Variants in PLD5 observed in about 807,000 individuals in gnomAD.
PLD5 encodes the protein inactive phospholipase D5.
PLD5 carries 36 observed loss-of-function variants against 61.1 expected under a neutral mutation model. That is an observed-to-expected ratio of 0.59 (90% CI 0.45 to 0.78). The LOEUF (loss-of-function observed/expected upper bound fraction) is 0.78, where lower values mean the gene tolerates loss of function less well. PLD5 is among the 30% of genes least tolerant of loss of function. The pLI, the probability that PLD5 is intolerant of heterozygous loss-of-function variation, is 0.00. For synonymous variants in PLD5, 243 were observed against 242.8 expected (o/e 1.00, Z -0.01); for missense variants, 515 against 644.4 (o/e 0.80, Z 2.17).
intron 5 of PLD5, among the ~76,000 whole-genome samples, chr1:242,176,053 A>G (rs1667117693): frequency 2.6e-5 from 4 of 152,164 alleles, no homozygotes. Context: ...TCAAGCTACC[A>G]TTGACTTTCT....
At position 242,114,012 on chromosome 1, in the gene PLD5, G is replaced by T; in HGVS notation, c.948C>A (p.Leu316=). Residue 316 remains leucine, a synonymous_variant, in exon 7 of 10, where the codon CTC becomes CTA. Transcript: ENST00000536534. The stretch of plus-strand genomic sequence containing the variant: ...CAAAACTTCTGTTTTTAGGGCAAAA[G>T]AGTTTTGGAGAATTCTGTGAAGACA... ...SQAFVSNSPK[L]FCPKNRSFDI... The T allele has an allele frequency of 2.5e-6, 4 of 1,613,138 alleles. No homozygotes were observed. Among genetic ancestry groups the T allele is most frequent in the Non-Finnish European group, 3.4e-6 (4 of 1,179,640 alleles).
chr1:242,232,913 G>A (rs774401216), intron 4 of PLD5, among the ~76,000 whole-genome samples: 2 of 152,108 alleles, frequency 1.3e-5, no homozygotes, highest in Non-Finnish European at 2.9e-5. Flanking sequence ...CCAGCACTTT[G>A]AGAGGTCCAG....
At chr1:242,264,588 C>T (rs1673550167) in intron 4 of PLD5, among the ~76,000 whole-genome samples, 1 of 152,180 alleles carries the variant, frequency 6.6e-6, no homozygotes, top group African/African-American at 2.4e-5. Flanking sequence ...GTAACGCCAT[C>T]AGGTGGAACA....
chr1:242,331,317 C>T (rs548339923), intron 2 of PLD5, among the ~76,000 whole-genome samples: 1 of 152,288 alleles, frequency 6.6e-6, no homozygotes, highest in African/African-American at 2.4e-5. Flanking sequence ...AGACCTTGCC[C>T]TCCATTACAT....
At chr1:242,294,338 T>C (rs1168258001) in intron 2 of PLD5, among the ~76,000 whole-genome samples, 2 of 152,242 alleles carry the variant, frequency 1.3e-5, no homozygotes, top group African/African-American at 4.8e-5. Context: ...TAATAGCATG[T>C]ATTTATTCTC....
At chr1:242,315,798 G>A (rs1040741112) in intron 2 of PLD5, among the ~76,000 whole-genome samples, 2 of 152,168 alleles carry the variant, frequency 1.3e-5, no homozygotes, top group African/African-American at 4.8e-5. Flanking sequence ...CTGCATTCTG[G>A]TTGGGTTATG....
chr1:242,288,440 T>C lies in PLD5; in HGVS notation c.417A>G (p.Leu139=), dbSNP rs780474716. The change falls in exon 3 of 10, where the codon TTA becomes TTG. Residue 139 remains leucine (L), a synonymous_variant. Transcript: ENST00000536534. The part of the protein sequence containing the change: ...HLSLFQGWMN[L]LNMAKKSVDI... ...CAACAGACTTTTTGGCCATGTTGAGTAAATTCATCCAGCCTTGGAAAAGTG... is the reference window on the plus strand; with the variant it reads ...CAACAGACTTTTTGGCCATGTTGAGCAAATTCATCCAGCCTTGGAAAAGTG... 3.1e-6 allele frequency: 5 copies of C among 1,612,842 alleles called. No individual in the cohort carries two copies. The highest frequency in any genetic ancestry group is 4.2e-6 in the Non-Finnish European group (5 of 1,179,650).
Position 242,089,691 on chromosome 1 carries a change from G to C in PLD5, c.*163C>G. 1.2e-6 allele frequency: 1 copy of C among 851,116 alleles called. No individual in the cohort carries two copies. Among genetic ancestry groups the C allele is most frequent in the Non-Finnish European group, 1.8e-6 (1 of 551,666 alleles). 52.7% of individuals were successfully genotyped at this position (851,116 alleles called of 1,614,324 possible). A position where few individuals can be genotyped will look rare whatever the true frequency, so the allele number is the denominator to read the frequency against. ...AAGTCTTAATTTTAGTGTACACGAC[G>C]CTAAGATATTGTTAGATAGGTATTA... is the stretch of plus-strand genomic sequence containing the variant. On this transcript the variant is annotated 3_prime_UTR_variant, in exon 10 of 10. Transcript: ENST00000536534.
chr1:242,342,983 C>A (rs1370545441), intron 2 of PLD5, among the ~76,000 whole-genome samples: 3 of 152,028 alleles, frequency 2.0e-5, no homozygotes, highest in African/African-American at 4.8e-5. Flanking sequence ...TTATAGGAGA[C>A]ATACTTTTTT....
intron 5 of PLD5, among the ~76,000 whole-genome samples, chr1:242,174,388 G>C (rs933885811): frequency 2.0e-5 from 3 of 152,302 alleles, no homozygotes; most frequent in Non-Finnish European, 4.4e-5. Flanking sequence ...TCATTAAAAA[G>C]TCAGGAAACA....
Position 242,524,284 on chromosome 1 carries a change from T to A in PLD5, c.-8A>T. The stretch of plus-strand genomic sequence containing the variant: ...GTGCTGCCGGATCTCCATCCTGACA[T>A]GACCGGGCGGCCGCCGGCGAGCAGC... On this transcript the variant is annotated 5_prime_UTR_variant, in exon 1 of 10. An upstream start codon of the reference 5' UTR is lost. Coordinates refer to ENST00000536534, the MANE Select transcript of PLD5 (RefSeq NM_001372062.1). 2 of 1,398,892 alleles carry A rather than the reference T, an allele frequency of 1.4e-6. No homozygotes were observed. Among genetic ancestry groups the A allele is most frequent in the Non-Finnish European group, 9.2e-7 (1 of 1,082,386 alleles). 86.7% of individuals were successfully genotyped at this position (1,398,892 alleles called of 1,614,324 possible).
chr1:242,299,025 G>GAA (rs142086967), intron 2 of PLD5, among the ~76,000 whole-genome samples: 149 of 141,550 alleles, frequency 1.1e-3, no homozygotes, highest in Middle Eastern at 3.6e-3. Flanking sequence ...CAGGTGATTG[G>GAA]AAAAAAAAAA....
chr1:242,266,848 G>A (rs950382458), intron 3 of PLD5, among the ~76,000 whole-genome samples: 1 of 152,182 alleles, frequency 6.6e-6, no homozygotes, highest in African/African-American at 2.4e-5. Context: ...CGGGTGCGTA[G>A]CCTCACACCT....
At chr1:242,456,292 C>G (rs553958626) in intron 1 of PLD5, among the ~76,000 whole-genome samples, 2 of 151,828 alleles carry the variant, frequency 1.3e-5, no homozygotes, top group Non-Finnish European at 2.9e-5. Flanking sequence ...CTACAGGTGA[C>G]GATTTACAAA....
intron 5 of PLD5, among the ~76,000 whole-genome samples, chr1:242,195,241 T>G: frequency 6.6e-6 from 1 of 152,318 alleles, no homozygotes; most frequent in Non-Finnish European, 1.5e-5. Flanking sequence ...TACAGGACAC[T>G]GTCCTGGAGA....
intron 5 of PLD5, among the ~76,000 whole-genome samples, chr1:242,128,123 C>G (rs372611621): frequency 6.6e-6 from 1 of 151,968 alleles, no homozygotes; most frequent in South Asian, 2.1e-4. Context: ...TGGGCAATAT[C>G]GTGAGACCAT....
intron 1 of PLD5, among the ~76,000 whole-genome samples, chr1:242,358,546 T>C (rs1395117377): frequency 1.3e-5 from 2 of 151,690 alleles, no homozygotes; most frequent in African/African-American, 4.8e-5. Flanking sequence ...TGCTCTGCTA[T>C]CCAGCAAGAC....
At chr1:242,217,176 A>G (rs1441835622) in intron 5 of PLD5, among the ~76,000 whole-genome samples, 2 of 152,236 alleles carry the variant, frequency 1.3e-5, no homozygotes, top group African/African-American at 2.4e-5. Context: ...ATAACACAAC[A>G]TTCATTCTGC....
chr1:242,529,856 CCT>C, the PLD5 span, among the ~76,000 whole-genome samples: 1 of 150,050 alleles, frequency 6.7e-6, no homozygotes. Flanking sequence ...TTCCTTCCTT[CCT>C]CTCTCTCTTT....
Sources: allele counts gnomAD v4.1 joint callset (sites outside exome capture counted in the v4.1 genomes callset), GRCh38; gene constraint gnomAD v4.1.1; transcripts MANE v1.5; gene names NCBI Gene and HGNC (gene_info 2026-07-23, HGNC 2026-07-21).